Variants in STX8 observed in about 807,000 individuals in gnomAD.
STX8 encodes syntaxin-8.
Under a neutral mutation model 37.5 loss-of-function variants are expected in STX8, and 23 were observed. That is an observed-to-expected ratio of 0.61 (90% CI 0.44 to 0.87). The LOEUF (loss-of-function observed/expected upper bound fraction) is 0.87. STX8 is among the 40% of genes least tolerant of loss of function. The pLI, the probability that STX8 is intolerant of heterozygous loss-of-function variation, is 0.00. For synonymous variants in STX8, 115 were observed against 99.1 expected (o/e 1.16, Z -0.95); for missense variants, 313 against 284.7 (o/e 1.10, Z -0.71).
At chr17:9,543,587 G>C (rs1906374011) in intron 4 of STX8, among the ~76,000 whole-genome samples, 1 of 152,182 alleles carries the variant, frequency 6.6e-6, no homozygotes, top group Non-Finnish European at 1.5e-5. Flanking sequence ...TTACAGGCGT[G>C]AGCCACTGCA....
At chr17:9,425,390 T>C (rs1344688553) in intron 6 of STX8, among the ~76,000 whole-genome samples, 1 of 152,212 alleles carries the variant, frequency 6.6e-6, no homozygotes, top group African/African-American at 2.4e-5. Context: ...TTTATTTGTA[T>C]TTATAAATTA....
chr17:9,460,673 C>CAAA (rs751553222), intron 6 of STX8, among the ~76,000 whole-genome samples: 1,715 of 96,412 alleles, frequency 0.018, 74 homozygotes, highest in East Asian at 0.12. Flanking sequence ...GACTCTGTCT[C>CAAA]AAAAAAAAAA....
At chr17:9,255,265 G>A (rs1034216384) in intron 7 of STX8, among the ~76,000 whole-genome samples, 2 of 151,636 alleles carry the variant, frequency 1.3e-5, no homozygotes, top group African/African-American at 4.9e-5. Context: ...TGTGGCTCAC[G>A]CCTGTAATCC....
rs977152830 is a variant in STX8, at chr17:9,432,566, T to C, written c.542-53913A>G. 2.9e-4 allele frequency among the ~76,000 whole-genome samples: 44 copies of C among 152,250 alleles called. No individual in the cohort carries two copies. The Middle Eastern group carries it at 0.01, about 35-fold the overall frequency. Reference sequence around the variant, plus strand: ...AAGTATTAGCCACTAAAATAAAAGATGAGGAAGCAATTTTAAATGCAGTCA... The same window carrying C: ...AAGTATTAGCCACTAAAATAAAAGACGAGGAAGCAATTTTAAATGCAGTCA... On this transcript the variant is annotated intron_variant, in intron 6 of 7. Coordinates refer to ENST00000306357, the MANE Select transcript of STX8 (RefSeq NM_004853.3).
chr17:9,252,832 T>C (rs887273568), intron 7 of STX8, among the ~76,000 whole-genome samples: 2 of 152,178 alleles, frequency 1.3e-5, no homozygotes, highest in Non-Finnish European at 2.9e-5. Flanking sequence ...CTTTGGTTCA[T>C]GGGCCAAATC....
intron 6 of STX8, among the ~76,000 whole-genome samples, chr17:9,402,368 G>T (rs139917352): frequency 0.029 from 4,435 of 152,114 alleles, 229 homozygotes; most frequent in African/African-American, 0.1. Context: ...TGATCTGCCC[G>T]CCTCGGCCTC....
intron 5 of STX8, among the ~76,000 whole-genome samples, chr17:9,494,216 C>T (rs1353685610): frequency 6.6e-6 from 1 of 151,650 alleles, no homozygotes; most frequent in Non-Finnish European, 1.5e-5. Flanking sequence ...GGGGTTTCAC[C>T]GTGTTAGCCA....
chr17:9,505,196 A>G, intron 4 of STX8, 34 bp from the exon 5 acceptor site: 1 of 1,579,854 alleles, frequency 6.3e-7, no homozygotes. Context: ...GATATATCTC[A>G]AAACATGCAG....
intron 7 of STX8, among the ~76,000 whole-genome samples, chr17:9,350,585 T>G (rs1030929004): frequency 1.3e-5 from 2 of 152,056 alleles, no homozygotes; most frequent in Admixed American, 6.5e-5. Context: ...CAGGCTGGAG[T>G]GCAGTGGCAC....
intron 4 of STX8, among the ~76,000 whole-genome samples, chr17:9,525,809 G>A (rs1346132540): frequency 6.6e-6 from 1 of 152,170 alleles, no homozygotes; most frequent in East Asian, 1.9e-4. Flanking sequence ...CTAAGACGGT[G>A]AGTGCTATCG....
rs184785114 is a variant in STX8, at chr17:9,549,400, A to G, written c.213-4118T>C. Among the ~76,000 whole-genome samples the G allele has an allele frequency of 1.1e-4, 16 of 152,334 alleles. No homozygotes were observed. In the East Asian group the frequency reaches 2.7e-3, roughly 26 times the overall value. On this transcript the variant is annotated intron_variant, in intron 3 of 7. Coordinates refer to ENST00000306357, the MANE Select transcript of STX8 (RefSeq NM_004853.3). ...CACAGTTGATGCTAGAAGAGGCCTTAAAGATCCCAGTTCTCTTGTTTTGCT... is the reference window on the plus strand; with the variant it reads ...CACAGTTGATGCTAGAAGAGGCCTTGAAGATCCCAGTTCTCTTGTTTTGCT...
At chr17:9,310,790 G>A (rs1211128998) in intron 7 of STX8, among the ~76,000 whole-genome samples, 1 of 152,194 alleles carries the variant, frequency 6.6e-6, no homozygotes, top group East Asian at 1.9e-4. Context: ...CTGGGATTCA[G>A]ATCTACACTG....
At chr17:9,430,940 C>T (rs890023176) in intron 6 of STX8, among the ~76,000 whole-genome samples, 1 of 151,990 alleles carries the variant, frequency 6.6e-6, no homozygotes, top group Non-Finnish European at 1.5e-5. Context: ...TGAGCCACTG[C>T]CCCCGGCCTT....
At chr17:9,454,854 T>C (rs926451836) in intron 6 of STX8, among the ~76,000 whole-genome samples, 1 of 152,080 alleles carries the variant, frequency 6.6e-6, no homozygotes, top group African/African-American at 2.4e-5. Flanking sequence ...GATCATCCTC[T>C]TTGGAGACAA....
At chr17:9,549,410 G>A (rs893506154) in intron 3 of STX8, among the ~76,000 whole-genome samples, 7 of 152,174 alleles carry the variant, frequency 4.6e-5, no homozygotes, top group African/African-American at 1.7e-4. Context: ...AAAGATCCCA[G>A]TTCTCTTGTT....
intron 7 of STX8, among the ~76,000 whole-genome samples, chr17:9,291,364 C>T (rs1908306490): frequency 6.7e-6 from 1 of 149,622 alleles, no homozygotes. Context: ...TCACCTAAGC[C>T]TGGGAATTTG....
chr17:9,470,255 C>G (rs1281481850), intron 6 of STX8, among the ~76,000 whole-genome samples: 1 of 152,226 alleles, frequency 6.6e-6, no homozygotes, highest in Non-Finnish European at 1.5e-5. Context: ...ACATTACCTT[C>G]CAGTTCAAGC....
chr17:9,327,392 G>GGGAGAA (rs1397592374), intron 7 of STX8, among the ~76,000 whole-genome samples: 1 of 150,788 alleles, frequency 6.6e-6, no homozygotes, highest in Non-Finnish European at 1.5e-5. Flanking sequence ...GAGGGGGAGA[G>GGGAGAA]GGAGAAGGAG....
intron 4 of STX8, among the ~76,000 whole-genome samples, chr17:9,531,065 G>A (rs781116394): frequency 1.4e-4 from 21 of 152,194 alleles, no homozygotes; most frequent in Non-Finnish European, 2.6e-4. Flanking sequence ...TTATTGAAAA[G>A]ATTACCTCTG....
Sources: allele counts gnomAD v4.1 joint callset (sites outside exome capture counted in the v4.1 genomes callset), GRCh38; gene constraint gnomAD v4.1.1; transcripts MANE v1.5; gene names NCBI Gene and HGNC (gene_info 2026-07-23, HGNC 2026-07-21).